The following MED1 variants were observed in gnomAD, a reference collection of about 807,000 sequenced individuals.
The protein encoded by MED1 is mediator complex subunit 1.
A neutral mutation model predicts 121.3 loss-of-function variants in MED1; 17 were observed. The ratio of observed to expected loss-of-function variants is 0.14; its 90% CI spans 0.10 to 0.21. The LOEUF is 0.21. Among genes scored for constraint, MED1 ranks in the 10% least tolerant of loss-of-function variants. The pLI is 1.00. For synonymous variants in MED1, 661 were observed against 694.4 expected, an observed-to-expected ratio of 0.95 and a Z score of 0.76; for missense variants, 1,558 against 1,919.4, an observed-to-expected ratio of 0.81 and a Z score of 3.52.
At chr17:39,427,820 T>C (rs1356888098) in intron 9 of MED1, 30 bp from the exon 10 acceptor site, 2 of 1,322,760 alleles carry the variant, frequency 1.5e-6, no homozygotes, top group Non-Finnish European at 2.1e-6. Flanking sequence ...TAACTGTATC[T>C]TTATCAGGTA....
chr17:39,409,276 G>A lies in MED1; in HGVS notation c.2945C>T (p.Thr982Ile), dbSNP rs750314710. The A allele has an allele frequency of 1.9e-6, 3 of 1,614,098 alleles. No homozygotes were observed. In the East Asian group the frequency reaches 6.7e-5, roughly 36 times the overall value. The change falls in exon 17 of 17, where the codon ACT (threonine) becomes ATT (isoleucine). Residue 982 changes from threonine (T) to isoleucine (I), a missense_variant. Transcript: ENST00000300651. ...GCTGTCTAATCCGGGCCCCGAGAGA[G>A]TACTATTACTGGTGCCATTGCCTTC... The part of the protein sequence containing the change: ...VKEGNGTSNS[T>I]LSGPGLDSKP...
chr17:39,419,585 T>C, intron 14 of MED1, 132 bp downstream of exon 14: 4 of 855,614 alleles, frequency 4.7e-6, no homozygotes, highest in Non-Finnish European at 7.1e-6. Flanking sequence ...TTTGCTTGAT[T>C]TTTATGCCAA....
rs2048528808 is a variant in MED1 at position 39,427,766 on chromosome 17, T to C, written c.674A>G (p.Tyr225Cys). 5 of 1,601,888 alleles carry C rather than the reference T, an allele frequency of 3.1e-6. No homozygotes were observed. Among genetic ancestry groups the C allele is most frequent in the Non-Finnish European group, 4.3e-6 (5 of 1,169,850 alleles). ...ATCCAGTAGGTCAGAAGGAGAGACA[T>C]AGTACTTCAGGTTCATTAAATGACC... is the stretch of plus-strand genomic sequence containing the variant. ...SGGHLMNLKY[Y>C]VSPSDLLDDK... Residue 225 changes from tyrosine (Y) to cysteine (C), a missense_variant, in exon 10 of 17, where the codon TAT (tyrosine) becomes TGT (cysteine). By Grantham distance (194) the Tyr-to-Cys change is radical (BLOSUM62 -2). This residue lies in a region of MED1 where 443 missense variants were observed against 532.4 expected (regional missense o/e 0.83). Coordinates refer to ENST00000300651, the MANE Select transcript of MED1 (RefSeq NM_004774.4).
chr17:39,440,391 G>A lies in MED1; in HGVS notation c.394C>T (p.Pro132Ser). Residue 132 changes from proline (P) to serine (S), a missense_variant, in exon 5 of 17, where the codon CCT (proline) becomes TCT (serine). Coordinates refer to ENST00000300651, the MANE Select transcript of MED1 (RefSeq NM_004774.4). This position sits in a 1 kb window ranked among gnomAD's most constrained non-coding sequence, Gnocchi z 4.1. Reference protein sequence around the residue: ...DVKVAHHGENPVSCPELVQQL... With the variant: ...DVKVAHHGENSVSCPELVQQL... Reference sequence around the variant, plus strand: ...GAAATATCAACAACACATACCACAGGATTCTCCCCATGGTGAGCCACTTTT... The same window carrying A: ...GAAATATCAACAACACATACCACAGAATTCTCCCCATGGTGAGCCACTTTT... 1 of 1,566,000 alleles carries A rather than the reference G, an allele frequency of 6.4e-7. No homozygotes were observed. The highest frequency in any genetic ancestry group is 8.6e-7 in the Non-Finnish European group (1 of 1,164,310).
Position 39,409,963 on chromosome 17 carries a change from G to T in MED1, c.2258C>A (p.Pro753Gln). The T allele has an allele frequency of 6.2e-7, 1 of 1,614,076 alleles. No individual in the cohort carries two copies. The highest frequency in any genetic ancestry group is 8.5e-7 in the Non-Finnish European group (1 of 1,180,014). The change falls in exon 17 of 17, where the codon CCA becomes CAA. Residue 753 changes from proline (P) to glutamine (Q), a missense_variant. Pro to Gln is a moderately conservative substitution (Grantham distance 76). Transcript: ENST00000300651. ...GGGTTGGGGGTGAGGTACTGGTTGT[G>T]GGTAAGTTGTTGGGGGAGTGCTACA... is the stretch of plus-strand genomic sequence containing the variant. ...SQCSTPPTTY[P>Q]QPVPHPQPSI...
chr17:39,415,157 T>C, intron 15 of MED1, 26 bp from the exon 16 acceptor site: 1 of 1,612,612 alleles, frequency 6.2e-7, no homozygotes, highest in South Asian at 1.1e-5. Context: ...CATAGGAAAT[T>C]GTTTTAGATT....
intron 7 of MED1, among the ~76,000 whole-genome samples, chr17:39,433,527 CTATATA>C (rs149231162): frequency 2.1e-5 from 3 of 144,344 alleles, no homozygotes; most frequent in Admixed American, 1.4e-4. Flanking sequence ...TTTTTTGTTA[CTATATA>C]TATATATATA....
intron 11 of MED1, 66 bp from the exon 12 acceptor site, chr17:39,423,887 CT>C (rs373440713): frequency 0.13 from 128,293 of 1,014,560 alleles, no homozygotes; most frequent in South Asian, 0.17. Context: ...ACCCAAACAC[CT>C]TTTTTTTTTT....
chr17:39,431,083 T>G, intron 9 of MED1, 32 bp downstream of exon 9: 1 of 1,543,428 alleles, frequency 6.5e-7, no homozygotes, highest in Non-Finnish European at 8.9e-7. Context: ...AAATTACACA[T>G]GTTTCTAAAC....
chr17:39,438,173 ATT>A (rs71147331), intron 6 of MED1, among the ~76,000 whole-genome samples: 4 of 140,458 alleles, frequency 2.8e-5, no homozygotes, highest in African/African-American at 5.2e-5. Flanking sequence ...CCTCGTCTCT[ATT>A]TTTTTTTTTT....
intron 6 of MED1, 88 bp downstream of exon 6, chr17:39,439,077 G>A: frequency 8.5e-7 from 1 of 1,172,184 alleles, no homozygotes; most frequent in South Asian, 1.4e-5. Flanking sequence ...TGTTCCTGAG[G>A]AGAATAACTT....
intron 2 of MED1, 116 bp from the exon 3 acceptor site, chr17:39,443,744 G>C (rs1567653829): frequency 1.7e-5 from 13 of 774,822 alleles, no homozygotes; most frequent in Non-Finnish European, 1.7e-5. Flanking sequence ...ACTCAATATA[G>C]TCTATAGATT....
intron 7 of MED1, among the ~76,000 whole-genome samples, chr17:39,432,305 T>C (rs2048572224): frequency 1.6e-5 from 2 of 126,064 alleles, no homozygotes; most frequent in African/African-American, 3.1e-5. Context: ...ATCATACCAC[T>C]GCACTCCAGC....
At chr17:39,446,137 C>T (rs1252930393) in intron 2 of MED1, among the ~76,000 whole-genome samples, 1 of 151,836 alleles carries the variant, frequency 6.6e-6, no homozygotes, top group Admixed American at 6.6e-5. Context: ...AAGTTTGAGA[C>T]CAGCCTGAGC....
intron 5 of MED1, among the ~76,000 whole-genome samples, chr17:39,439,677 CCTGTAATCCCAA>C (rs1423947878): frequency 1.3e-5 from 2 of 151,998 alleles, no homozygotes; most frequent in Non-Finnish European, 1.5e-5. Context: ...GTGGCTTATG[CCTGTAATCCCAA>C]CACTTTGGGA....
At chr17:39,434,132 T>G in intron 7 of MED1, 117 bp downstream of exon 7, 2 of 650,458 alleles carry the variant, frequency 3.1e-6, no homozygotes, top group Non-Finnish European at 5.3e-6. Context: ...GATTGCAGTA[T>G]AAGTAGAAAC....
In MED1 at chr17:39,405,095, A is replaced by G; in HGVS notation, c.*2380T>C. On this transcript the variant is annotated 3_prime_UTR_variant, in exon 17 of 17. Transcript: ENST00000300651. ...TTGAAACAGAAGAATGAGTACACCTAGACAGGAGGGAGGTGTCCCAGGCTT... is the reference window on the plus strand; with the variant it reads ...TTGAAACAGAAGAATGAGTACACCTGGACAGGAGGGAGGTGTCCCAGGCTT... 9.5e-7 allele frequency: 1 copy of G among 1,054,328 alleles called. No homozygotes were observed. The highest frequency in any genetic ancestry group is 1.3e-6 in the Non-Finnish European group (1 of 757,504). The allele number at this position is 1,054,328 out of a possible 1,614,324, so 65.3% of individuals were successfully genotyped here.
rs71369761 is a variant in MED1 at position 39,424,777 on chromosome 17, T to C, written c.740-39A>G. On this transcript the variant is annotated intron_variant, in intron 10 of 16. Coordinates refer to ENST00000300651, the MANE Select transcript of MED1 (RefSeq NM_004774.4). ...AGAAAAAGGGTATTCCTCAAAGTAA[T>C]ACAAATGATGGGAATCACAGTATGT... 3,382 of 1,183,504 alleles carry C rather than the reference T, an allele frequency of 2.9e-3. 90 individuals are homozygous for C. The African/African-American group carries it at 0.047, about 16-fold the overall frequency. The allele number at this position is 1,183,504 out of a possible 1,614,324, so 73.3% of individuals were successfully genotyped here.
At chr17:39,435,573 T>TA (rs569326917) in intron 6 of MED1, among the ~76,000 whole-genome samples, 81 of 152,202 alleles carry the variant, frequency 5.3e-4, no homozygotes, top group African/African-American at 4.8e-5. Context: ...ACTGAGCACT[T>TA]ACAGTCAACA....
Sources: allele counts gnomAD v4.1 joint callset (sites outside exome capture counted in the v4.1 genomes callset), GRCh38; gene constraint gnomAD v4.1.1; regional missense constraint gnomAD v4.1.1; non-coding constraint Gnocchi (gnomAD v3.1); transcripts MANE v1.5; gene names NCBI Gene and HGNC (gene_info 2026-07-23, HGNC 2026-07-21).